Variants in ARHGAP39 observed in about 807,000 individuals in gnomAD.
ARHGAP39 encodes the protein rho GTPase-activating protein 39.
In ARHGAP39, 44 loss-of-function variants were observed where a neutral mutation model predicts 106.9. That is an observed-to-expected ratio of 0.41 (90% CI 0.32 to 0.53). The LOEUF (loss-of-function observed/expected upper bound fraction) is 0.53. Among genes scored for constraint, ARHGAP39 ranks in the 20% least tolerant of loss-of-function variants. The probability of loss-of-function intolerance (pLI) is 0.21; values close to 1 mark genes in which losing one functional copy is unlikely to be tolerated. For synonymous variants in ARHGAP39, 768 were observed against 693.2 expected, an observed-to-expected ratio of 1.11 and a Z score of -1.69; for missense variants, 1,496 against 1,577.3, an observed-to-expected ratio of 0.95 and a Z score of 0.87.
intron 2 of ARHGAP39, among the ~76,000 whole-genome samples, chr8:144,583,098 T>A (rs1219503549): frequency 6.6e-6 from 1 of 152,122 alleles, no homozygotes; most frequent in Non-Finnish European, 1.5e-5. Flanking sequence ...CTCTGGTCCG[T>A]GCTTTCCCTT....
chr8:144,620,783 C>T (rs527508629), intron 1 of ARHGAP39, among the ~76,000 whole-genome samples: 36 of 152,346 alleles, frequency 2.4e-4, no homozygotes, highest in African/African-American at 4.8e-4. Flanking sequence ...CCAGGACAGG[C>T]GCCTACGTGT....
chr8:144,599,954 G>A (rs931223858), intron 2 of ARHGAP39, among the ~76,000 whole-genome samples: 1 of 152,248 alleles, frequency 6.6e-6, no homozygotes, highest in Non-Finnish European at 1.5e-5. Context: ...TGTGATGGAA[G>A]AGGGGACCAC....
At position 144,545,653 on chromosome 8, in the gene ARHGAP39, G is replaced by A. The variant is rs1261558569; in HGVS notation, c.2117C>T (p.Thr706Met). The A allele has an allele frequency of 6.2e-7, 1 of 1,613,670 alleles. No homozygotes were observed. The highest frequency in any genetic ancestry group is 8.5e-7 in the Non-Finnish European group (1 of 1,180,032). ...CACCTTCCGCCGGAAGAGGCCCTGC[G>A]TGTGCTTGTTGAAGTGCTTGGAGGC... ...NWASKHFNKH[T>M]QGLFRRKVSI... The change falls in exon 6 of 12, where the codon ACG becomes ATG. Residue 706 changes from threonine (T) to methionine (M), a missense_variant. Transcript: ENST00000377307.
At chr8:144,580,758 G>GGGGGGGGGGGGCCCC in intron 3 of ARHGAP39, 88 bp downstream of exon 3, 1 of 185,576 alleles carries the variant, frequency 5.4e-6, no homozygotes, top group African/African-American at 2.7e-5. Context: ...CTCTCACCTG[G>GGGGGGGGGGGGCCCC]CCCCGCCCAC....
intron 3 of ARHGAP39, among the ~76,000 whole-genome samples, chr8:144,572,108 C>T (rs941676842): frequency 1.3e-5 from 2 of 152,186 alleles, no homozygotes; most frequent in African/African-American, 4.8e-5. Flanking sequence ...ACTTTCTTCA[C>T]AGAATTGGAA....
Position 144,678,006 on chromosome 8 carries a change from C to G in ARHGAP39, c.-82+7680G>C, listed in dbSNP as rs934454116. Among the ~76,000 whole-genome samples the G allele has an allele frequency of 6.6e-5, 10 of 152,322 alleles. No individual in the cohort carries two copies. In the East Asian group the frequency reaches 1.9e-3, roughly 29 times the overall value. ...GGAAATGTGTCAACGAGTCCCTCCC[C>G]CTGCTGCGCCAGCCATTCTCTGAGG... On this transcript the variant is annotated intron_variant, in intron 1 of 11. Transcript: ENST00000377307.
chr8:144,630,381 T>C (rs1024023709), intron 1 of ARHGAP39, among the ~76,000 whole-genome samples: 2 of 152,086 alleles, frequency 1.3e-5, no homozygotes, highest in Non-Finnish European at 2.9e-5. Flanking sequence ...TGTCACAATT[T>C]TGAAAGTGCT....
Position 144,547,160 on chromosome 8 carries a change from C to T in ARHGAP39, c.1926G>A (p.Leu642=). 6.2e-7 allele frequency: 1 copy of T among 1,609,854 alleles called. No individual in the cohort carries two copies. The highest frequency in any genetic ancestry group is 8.5e-7 in the Non-Finnish European group (1 of 1,178,450). Residue 642 remains leucine, a synonymous_variant, in exon 5 of 12, where the codon CTG becomes CTA. Transcript: ENST00000377307. The surrounding 1 kb of genome is among the most constrained non-coding windows in gnomAD (Gnocchi z 5.2). ...GGTGGAGGTAGGGCTCTGGTGAGGC[C>T]AGGTTGGTCTGCACGGAGACGCTCT... The part of the protein sequence containing the change: ...LEKSVSVQTN[L]ASPEPYLHPS...
At chr8:144,600,087 G>A (rs549445941) in intron 2 of ARHGAP39, among the ~76,000 whole-genome samples, 1 of 152,314 alleles carries the variant, frequency 6.6e-6, no homozygotes, top group African/African-American at 2.4e-5. Context: ...GTGCATGGAG[G>A]CATGTGTGCG....
chr8:144,640,422 AT>A (rs1045680587), intron 1 of ARHGAP39, among the ~76,000 whole-genome samples: 8 of 152,192 alleles, frequency 5.3e-5, no homozygotes, highest in Non-Finnish European at 1.0e-4. Flanking sequence ...GGTTTTAAAA[AT>A]GGGAGTCTCC....
intron 2 of ARHGAP39, among the ~76,000 whole-genome samples, chr8:144,592,509 C>A (rs1442745650): frequency 1.5e-5 from 2 of 134,994 alleles, no homozygotes; most frequent in Admixed American, 7.3e-5. Context: ...CCCTAGGAAA[C>A]CTGAGGGCAC....
intron 1 of ARHGAP39, among the ~76,000 whole-genome samples, chr8:144,663,008 T>C (rs1821873064): frequency 6.9e-6 from 1 of 145,492 alleles, no homozygotes. Context: ...TCCTCCCCAT[T>C]TTCCACTTTG....
intron 1 of ARHGAP39, among the ~76,000 whole-genome samples, chr8:144,649,496 G>T (rs950124807): frequency 6.6e-6 from 1 of 152,010 alleles, no homozygotes; most frequent in Non-Finnish European, 1.5e-5. Flanking sequence ...GTGGCCAGGC[G>T]CTGTGGCTCA....
chr8:144,600,169 G>A (rs1008498541), intron 2 of ARHGAP39, among the ~76,000 whole-genome samples: 2 of 152,030 alleles, frequency 1.3e-5, no homozygotes, highest in African/African-American at 2.4e-5. Flanking sequence ...GTGCGTGGAG[G>A]CGTGTGTGCG....
intron 1 of ARHGAP39, among the ~76,000 whole-genome samples, chr8:144,640,039 G>A (rs1821271699): frequency 1.3e-5 from 2 of 152,168 alleles, no homozygotes; most frequent in Admixed American, 6.5e-5. Flanking sequence ...AACTACCCTT[G>A]CTCTCTGTAG....
At chr8:144,569,380 C>A (rs1818509411) in intron 3 of ARHGAP39, among the ~76,000 whole-genome samples, 1 of 152,120 alleles carries the variant, frequency 6.6e-6, no homozygotes, top group Non-Finnish European at 1.5e-5. Flanking sequence ...TTTGTAATAG[C>A]CCAAACCTGC....
intron 2 of ARHGAP39, among the ~76,000 whole-genome samples, chr8:144,582,605 G>A (rs1287120666): frequency 6.6e-6 from 1 of 152,262 alleles, no homozygotes; most frequent in African/African-American, 2.4e-5. Flanking sequence ...AAGGCACCGA[G>A]GGACAGTCCA....
At chr8:144,537,477 A>G (rs1041276986) in intron 7 of ARHGAP39, among the ~76,000 whole-genome samples, 6 of 152,108 alleles carry the variant, frequency 3.9e-5, no homozygotes, top group Non-Finnish European at 8.8e-5. Flanking sequence ...CCCCATCAAG[A>G]ACCCAGCAAG....
rs201135983 is a variant in ARHGAP39, at chr8:144,533,266, C to T, written c.2748G>A (p.Pro916=). The T allele has an allele frequency of 8.5e-5, 137 of 1,613,176 alleles. No homozygotes were observed. The highest frequency in any genetic ancestry group is 4.2e-4 in the East Asian group (19 of 44,888). ...IRHAKNAVFS[P]SMFGSALQEV... Reference sequence around the variant, plus strand: ...CCTGCAGTGCGCTGCCGAACATGGACGGGCTGAACACGGCGTTCTTGGCAT... The same window carrying T: ...CCTGCAGTGCGCTGCCGAACATGGATGGGCTGAACACGGCGTTCTTGGCAT... Residue 916 remains proline (P), a synonymous_variant, in exon 9 of 12, where the codon CCG becomes CCA. Transcript: ENST00000377307.
Sources: gnomAD v4.1 joint callset for allele counts (sites outside exome capture counted in the v4.1 genomes callset) on GRCh38, gnomAD v4.1.1 for gene constraint, Gnocchi (gnomAD v3.1) non-coding constraint, MANE v1.5 for transcripts, NCBI Gene and HGNC (gene_info 2026-07-23, HGNC 2026-07-21) for gene names.